GFRA2: variants seen among roughly 807,000 people sequenced by gnomAD.
The protein encoded by GFRA2 is GDNF family receptor alpha 2.
GFRA2 carries 17 observed loss-of-function variants against 48.3 expected under a neutral mutation model. The ratio of observed to expected loss-of-function variants is 0.35; its 90% CI spans 0.24 to 0.53. The LOEUF (loss-of-function observed/expected upper bound fraction) is 0.53. Ranked by LOEUF, GFRA2 falls within the 20% of genes least tolerant of loss-of-function variation. GFRA2 has a pLI of 0.93. For missense variants in GFRA2, 660 were observed against 637.3 expected, an observed-to-expected ratio of 1.04 and a Z score of -0.38; for synonymous variants, 305 against 257.2, an observed-to-expected ratio of 1.19 and a Z score of -1.78.
At chr8:21,734,297 C>T (rs1804344599) in intron 4 of GFRA2, among the ~76,000 whole-genome samples, 1 of 152,246 alleles carries the variant, frequency 6.6e-6, no homozygotes, top group South Asian at 2.1e-4. Context: ...AAGCCAGAAG[C>T]CACTGCCAGG....
At chr8:21,803,928 A>G (rs1585353983) in intron 2 of GFRA2, among the ~76,000 whole-genome samples, 1 of 152,202 alleles carries the variant, frequency 6.6e-6, no homozygotes, top group African/African-American at 2.4e-5. Flanking sequence ...CATTAAGTGA[A>G]CACTTACTGT....
chr8:21,783,075 C>A, intron 1 of GFRA2, 176 bp from the exon 2 acceptor site: 1 of 717,184 alleles, frequency 1.4e-6, no homozygotes, highest in Admixed American at 2.0e-5. Context: ...CAGGCATCAT[C>A]CTCCCCTGGA....
In GFRA2 at chr8:21,713,631, G is replaced by A. The variant is rs527654978; in HGVS notation, c.795-7590C>T. ...ACAGGTGGACTTTCTATAGGTCACT[G>A]GTTCTCAAAGTGTGGTCCGCAGACC... On this transcript the variant is annotated intron_variant, in intron 4 of 8. Coordinates refer to ENST00000524240, the MANE Select transcript of GFRA2 (RefSeq NM_001495.5). Among the ~76,000 whole-genome samples the A allele has an allele frequency of 3.9e-5, 6 of 152,150 alleles. No homozygotes were observed. The South Asian group carries it at 1.2e-3, about 32-fold the overall frequency.
Position 21,750,974 on chromosome 8 carries a change from C to T in GFRA2, c.440-32G>A, listed in dbSNP as rs1805264640. The T allele has an allele frequency of 6.8e-7, 1 of 1,465,164 alleles. No homozygotes were observed. Among genetic ancestry groups the T allele is most frequent in the East Asian group, 2.3e-5 (1 of 43,468 alleles). The allele number at this position is 1,465,164 out of a possible 1,614,324, so 90.8% of individuals were successfully genotyped here. A position where few individuals can be genotyped will look rare whatever the true frequency, so the allele number is the denominator to read the frequency against. On this transcript the variant is annotated intron_variant, in intron 3 of 8. Coordinates refer to ENST00000524240, the MANE Select transcript of GFRA2 (RefSeq NM_001495.5). This position sits in a 1 kb window ranked among gnomAD's most constrained non-coding sequence, Gnocchi z 5.7. ...GAGGAACAAGAGAGCAGGTCAGAGGCCACACAAGCATGAGGAGGACACAGC... is the reference window on the plus strand; with the variant it reads ...GAGGAACAAGAGAGCAGGTCAGAGGTCACACAAGCATGAGGAGGACACAGC...
rs528579455 is a variant in GFRA2, at chr8:21,762,815, T to C, written c.440-11873A>G. Among the ~76,000 whole-genome samples the C allele has an allele frequency of 5.3e-5, 8 of 152,278 alleles. No homozygotes were observed. The South Asian group carries it at 1.7e-3, about 32-fold the overall frequency. The stretch of plus-strand genomic sequence containing the variant: ...TTCTTTTAAATATAGTTTTGGTATT[T>C]GGGGGGTTTTTTAATATTTAGGGTT... On this transcript the variant is annotated intron_variant, in intron 3 of 8. Coordinates refer to ENST00000524240, the MANE Select transcript of GFRA2 (RefSeq NM_001495.5).
intron 3 of GFRA2, among the ~76,000 whole-genome samples, chr8:21,772,202 G>A (rs1312610330): frequency 6.6e-6 from 1 of 152,206 alleles, no homozygotes; most frequent in South Asian, 2.1e-4. Context: ...GATCCTACAG[G>A]TGATCTGTGG....
chr8:21,749,057 A>G (rs928849755), intron 4 of GFRA2, among the ~76,000 whole-genome samples: 3 of 152,130 alleles, frequency 2.0e-5, no homozygotes, highest in Non-Finnish European at 4.4e-5. Context: ...GCCTCATCCC[A>G]CTGAATTGGG....
At chr8:21,710,483 G>A (rs367875311) in intron 4 of GFRA2, among the ~76,000 whole-genome samples, 3 of 151,996 alleles carry the variant, frequency 2.0e-5, no homozygotes, top group South Asian at 4.2e-4. Context: ...GCTCCCTCTC[G>A]CTCTCCTGTT....
chr8:21,777,623 T>C (rs1360393238), intron 2 of GFRA2, among the ~76,000 whole-genome samples: 2 of 152,186 alleles, frequency 1.3e-5, no homozygotes, highest in African/African-American at 2.4e-5. Context: ...AGTGTCACCT[T>C]TGCAGAAGGC....
At chr8:21,811,711 G>A (rs867719320) in intron 1 of GFRA2, among the ~76,000 whole-genome samples, 11 of 151,954 alleles carry the variant, frequency 7.2e-5, no homozygotes, top group Admixed American at 4.6e-4. Context: ...TCCCCTGCAA[G>A]TGAATGGAGA....
At chr8:21,708,033 G>A (rs1266020147) in intron 4 of GFRA2, among the ~76,000 whole-genome samples, 1 of 152,238 alleles carries the variant, frequency 6.6e-6, no homozygotes, top group Middle Eastern at 3.2e-3. Flanking sequence ...CAGAGTCACT[G>A]AGTAGCAGAG....
rs368084526 is a variant in GFRA2, at chr8:21,774,925, C to G, written c.439+47G>C. 6.7e-6 allele frequency: 7 copies of G among 1,038,232 alleles called. No individual in the cohort carries two copies. In the African/African-American group the frequency reaches 9.4e-5, roughly 14 times the overall value. 64.3% of individuals were successfully genotyped at this position (1,038,232 alleles called of 1,614,324 possible). A position where few individuals can be genotyped will look rare whatever the true frequency, so the allele number is the denominator to read the frequency against. ...GCCCAGAGCTCCATCTGCCATGCCACAGGGACGAGAGGAGAACGGGCCAAG... is the reference window on the plus strand; with the variant it reads ...GCCCAGAGCTCCATCTGCCATGCCAGAGGGACGAGAGGAGAACGGGCCAAG... On this transcript the variant is annotated intron_variant, in intron 3 of 8. Transcript: ENST00000524240.
intron 4 of GFRA2, among the ~76,000 whole-genome samples, chr8:21,712,004 T>TCA (rs1192246253): frequency 6.6e-6 from 1 of 152,212 alleles, no homozygotes; most frequent in Non-Finnish European, 1.5e-5. Flanking sequence ...GGGGGTAAGG[T>TCA]CACAGATCAA....
chr8:21,789,403 T>A (rs1807454798), upstream of GFRA2: 1 of 152,500 alleles, frequency 6.6e-6, no homozygotes, highest in Non-Finnish European at 1.5e-5. Flanking sequence ...GGAGCTGAGC[T>A]GAGGCTGGAG....
chr8:21,789,756 G>C (rs1807498738), upstream of GFRA2, among the ~76,000 whole-genome samples: 1 of 144,548 alleles, frequency 6.9e-6, no homozygotes, highest in African/African-American at 2.6e-5. Flanking sequence ...CCACCCCTTC[G>C]AGATGCCCCT....
rs2309080 is a variant in GFRA2, at chr8:21,787,263, C to A, written c.40+857G>T. 1.0e-3 allele frequency among the ~76,000 whole-genome samples: 51 copies of A among 49,218 alleles called. 1 individual carries two copies. The highest frequency in any genetic ancestry group is 5.8e-3 in the African/African-American group (47 of 8,094). 32.3% of individuals were successfully genotyped at this position (49,218 alleles called of 152,430 possible). A position where few individuals can be genotyped will look rare whatever the true frequency, so the allele number is the denominator to read the frequency against. Reference sequence around the variant, plus strand: ...CCTCTCCTCCCTGTCTTGGAGGCGGCGGGGGGGGCAGTGGGGGGGGTTTGC... The same window carrying A: ...CCTCTCCTCCCTGTCTTGGAGGCGGAGGGGGGGGCAGTGGGGGGGGTTTGC... On this transcript the variant is annotated intron_variant, in intron 1 of 8. Transcript: ENST00000524240.
chr8:21,790,445 G>C (rs1312246684), upstream of GFRA2, among the ~76,000 whole-genome samples: 2 of 152,240 alleles, frequency 1.3e-5, no homozygotes, highest in African/African-American at 4.8e-5. Flanking sequence ...AATCGACTTG[G>C]ACGAGAAGGG....
chr8:21,792,031 C>G (rs1374154168), upstream of GFRA2, among the ~76,000 whole-genome samples: 2 of 152,232 alleles, frequency 1.3e-5, no homozygotes, highest in African/African-American at 4.8e-5. Context: ...GCTGAGCCTC[C>G]TGCCCACAGC....
At chr8:21,757,472 T>C (rs12056427) in intron 3 of GFRA2, among the ~76,000 whole-genome samples, 7,735 of 152,280 alleles carry the variant, frequency 0.051, 372 homozygotes, top group East Asian at 0.15. Flanking sequence ...CCTCTACTAA[T>C]GTTTAATTGA....
Sources: gnomAD v4.1 joint callset for allele counts (sites outside exome capture counted in the v4.1 genomes callset) on GRCh38, gnomAD v4.1.1 for gene constraint, Gnocchi (gnomAD v3.1) non-coding constraint, MANE v1.5 for transcripts, NCBI Gene and HGNC (gene_info 2026-07-23, HGNC 2026-07-21) for gene names.